Variants in GREB1L observed in about 807,000 individuals in gnomAD.
GREB1L encodes GREB1 like retinoic acid receptor coactivator.
GREB1L carries 17 observed loss-of-function variants against 200.8 expected under a neutral mutation model. The ratio of observed to expected loss-of-function variants is 0.08; its 90% CI spans 0.06 to 0.13. GREB1L has a LOEUF of 0.13. Among genes scored for constraint, GREB1L ranks in the 10% least tolerant of loss-of-function variants. The probability of loss-of-function intolerance (pLI) is 1.00; values close to 1 mark genes in which losing one functional copy is unlikely to be tolerated. For missense variants in GREB1L, 1,657 were observed against 2,367.7 expected, an observed-to-expected ratio of 0.70 and a Z score of 6.23; for synonymous variants, 789 against 893.0, an observed-to-expected ratio of 0.88 and a Z score of 2.08.
At chr18:21,384,503 T>G (rs1225726458) in intron 4 of GREB1L, 100 bp downstream of exon 4, 2 of 885,672 alleles carry the variant, frequency 2.3e-6, no homozygotes, top group Non-Finnish European at 3.4e-6. Context: ...AAACTAGTAA[T>G]TATCGTATGG....
chr18:21,321,866 A>G (rs2038957006), intron 1 of GREB1L, among the ~76,000 whole-genome samples: 1 of 152,256 alleles, frequency 6.6e-6, no homozygotes, highest in African/African-American at 2.4e-5. Context: ...TCCTTAAAAA[A>G]GTAACAAAAG....
At position 21,449,665 on chromosome 18, in the gene GREB1L, G is replaced by A. The variant is rs747371319; in HGVS notation, c.1549G>A (p.Val517Ile). The A allele has an allele frequency of 1.3e-5, 20 of 1,551,544 alleles. No homozygotes were observed. The highest frequency in any genetic ancestry group is 1.7e-4 in the Middle Eastern group (1 of 6,014). ...CTGGCTTGCTAGATTAATTGCCAGCGTATCTCAAGACTTGGTTCATGTGGT... is the reference window on the plus strand; with the variant it reads ...CTGGCTTGCTAGATTAATTGCCAGCATATCTCAAGACTTGGTTCATGTGGT... ...LPWLARLIASVSQDLVHVVVT... is the reference protein window; with the variant it reads ...LPWLARLIASISQDLVHVVVT... Residue 517 changes from valine (V) to isoleucine (I), a missense_variant, in exon 12 of 33, where the codon GTA becomes ATA. This residue lies in a region of GREB1L where 289 missense variants were observed against 345.1 expected (regional missense o/e 0.84). Coordinates refer to ENST00000424526, the MANE Select transcript of GREB1L (RefSeq NM_001142966.3).
intron 19 of GREB1L, among the ~76,000 whole-genome samples, chr18:21,491,336 G>A (rs1476007898): frequency 2.0e-5 from 3 of 152,092 alleles, no homozygotes; most frequent in Non-Finnish European, 4.4e-5. Context: ...CCTGGGCTGC[G>A]GTTTCCCATC....
At chr18:21,328,252 TTGTC>T (rs1567938650) in intron 1 of GREB1L, among the ~76,000 whole-genome samples, 1 of 152,006 alleles carries the variant, frequency 6.6e-6, no homozygotes, top group African/African-American at 2.4e-5. Context: ...CTGGATGGAA[TTGTC>T]TGAGCTGTGA....
intron 15 of GREB1L, among the ~76,000 whole-genome samples, chr18:21,459,689 A>G (rs1056130418): frequency 7.2e-5 from 11 of 152,054 alleles, no homozygotes; most frequent in Non-Finnish European, 1.6e-4. Flanking sequence ...ATAAAGACAT[A>G]TTTTTTTGGT....
chr18:21,452,286 C>T, intron 14 of GREB1L, 69 bp downstream of exon 14: 4 of 1,457,934 alleles, frequency 2.7e-6, no homozygotes, highest in Non-Finnish European at 3.7e-6. Flanking sequence ...CTAAGTCATT[C>T]TAAGGGTTTT....
chr18:21,277,398 T>C (rs538771264), intron 1 of GREB1L, among the ~76,000 whole-genome samples: 8 of 152,352 alleles, frequency 5.3e-5, no homozygotes, highest in Non-Finnish European at 8.8e-5. Context: ...TAGAGTTGGC[T>C]TTTGCCTCAT....
At chr18:21,352,163 T>C (rs1345004936) in intron 1 of GREB1L, among the ~76,000 whole-genome samples, 1 of 152,104 alleles carries the variant, frequency 6.6e-6, no homozygotes, top group Non-Finnish European at 1.5e-5. Context: ...CTATTTTAAA[T>C]AAATTTATCA....
chr18:21,349,373 C>T (rs1310579534), intron 1 of GREB1L, among the ~76,000 whole-genome samples: 1 of 152,126 alleles, frequency 6.6e-6, no homozygotes, highest in Non-Finnish European at 1.5e-5. Flanking sequence ...CTCCATCCCC[C>T]AAATCATGCA....
In GREB1L at chr18:21,429,188, CT is replaced by C. The variant is rs1390026192; in HGVS notation, c.833-10331del. Among the ~76,000 whole-genome samples the C allele has an allele frequency of 4.9e-4, 41 of 83,198 alleles. No homozygotes were observed. In the East Asian group the frequency reaches 7.4e-3, roughly 15 times the overall value. The allele number at this position is 83,198 out of a possible 152,430, so 54.6% of individuals were successfully genotyped here. A position where few individuals can be genotyped will look rare whatever the true frequency, so the allele number is the denominator to read the frequency against. On this transcript the variant is annotated intron_variant, in intron 7 of 32. Coordinates refer to ENST00000424526, the MANE Select transcript of GREB1L (RefSeq NM_001142966.3). ...CCTTCCCCTCCCTTCCTTCCCCTCC[CT>C]TCCCCTCCCCTCCCCTCCGCTCCCC...
At chr18:21,298,409 T>A (rs969311802) in intron 1 of GREB1L, among the ~76,000 whole-genome samples, 7 of 152,236 alleles carry the variant, frequency 4.6e-5, no homozygotes, top group Non-Finnish European at 8.8e-5. Flanking sequence ...CACTTAGAGT[T>A]TATTTCATTT....
At chr18:21,258,127 T>A (rs1046883415) in intron 1 of GREB1L, among the ~76,000 whole-genome samples, 2 of 152,212 alleles carry the variant, frequency 1.3e-5, no homozygotes, top group Non-Finnish European at 2.9e-5. Flanking sequence ...TACAATGTGT[T>A]ATATTACCCA....
intron 1 of GREB1L, among the ~76,000 whole-genome samples, chr18:21,296,952 TTTAA>T (rs1196197536): frequency 6.6e-6 from 1 of 152,106 alleles, no homozygotes; most frequent in African/African-American, 2.4e-5. Flanking sequence ...ATCATTCTGC[TTTAA>T]TTGATCTAAG....
intron 1 of GREB1L, among the ~76,000 whole-genome samples, chr18:21,339,912 G>A (rs1281715378): frequency 6.6e-6 from 1 of 152,088 alleles, no homozygotes; most frequent in Non-Finnish European, 1.5e-5. Context: ...CTTTTACAGT[G>A]GACACTTTAT....
rs987293355 is a variant in GREB1L at position 21,495,063 on chromosome 18, C to T, written c.3031-607C>T. ...TTCGTTTTGTTGTTTTTTTCTCAATCCAGGTCTGGTTATATTTTTAGCCTT... is the reference window on the plus strand; with the variant it reads ...TTCGTTTTGTTGTTTTTTTCTCAATTCAGGTCTGGTTATATTTTTAGCCTT... On this transcript the variant is annotated intron_variant, in intron 19 of 32. Transcript: ENST00000424526. Among the ~76,000 whole-genome samples the T allele has an allele frequency of 4.6e-5, 7 of 152,046 alleles. No individual in the cohort carries two copies. The South Asian group carries it at 8.3e-4, about 18-fold the overall frequency.
At chr18:21,521,956 A>T (rs553030079) in intron 32 of GREB1L, among the ~76,000 whole-genome samples, 1 of 131,116 alleles carries the variant, frequency 7.6e-6, no homozygotes, top group African/African-American at 2.9e-5. Context: ...GTGAGCCAAG[A>T]TTGCACTACT....
intron 4 of GREB1L, among the ~76,000 whole-genome samples, chr18:21,395,105 CAAA>C (rs372663303): frequency 4.7e-5 from 3 of 64,068 alleles, no homozygotes; most frequent in African/African-American, 9.6e-5. Context: ...GACTCCATCT[CAAA>C]AAAAAAAAAA....
At chr18:21,379,685 T>C (rs2040224244) in intron 2 of GREB1L, among the ~76,000 whole-genome samples, 1 of 152,216 alleles carries the variant, frequency 6.6e-6, no homozygotes, top group Non-Finnish European at 1.5e-5. Context: ...CCTGGTCCTT[T>C]TCTCTCTTTA....
intron 19 of GREB1L, among the ~76,000 whole-genome samples, chr18:21,494,361 T>C (rs1175656296): frequency 6.6e-6 from 1 of 152,210 alleles, no homozygotes; most frequent in Admixed American, 6.5e-5. Context: ...TTTGAAGTGA[T>C]TGTGGGAATG....
Sources: allele counts gnomAD v4.1 joint callset (sites outside exome capture counted in the v4.1 genomes callset), GRCh38; gene constraint gnomAD v4.1.1; regional missense constraint gnomAD v4.1.1; transcripts MANE v1.5; gene names NCBI Gene and HGNC (gene_info 2026-07-23, HGNC 2026-07-21).